SLC12A6: variants seen among roughly 807,000 people sequenced by gnomAD.
The protein encoded by SLC12A6 is solute carrier family 12 member 6.
In SLC12A6, 66 loss-of-function variants were observed where a neutral mutation model predicts 135.3. The observed-to-expected ratio is 0.49, with a 90% CI of 0.40 to 0.60. SLC12A6 has a LOEUF of 0.60. SLC12A6 is among the 20% of genes least tolerant of loss of function. The probability of loss-of-function intolerance (pLI) is 0.00; values close to 1 mark genes in which losing one functional copy is unlikely to be tolerated. For synonymous variants in SLC12A6, 513 were observed against 508.8 expected (o/e 1.01, Z -0.11); for missense variants, 1,058 against 1,452.3 (o/e 0.73, Z 4.41).
At chr15:34,295,175 A>G (rs1895800408) in intron 2 of SLC12A6, among the ~76,000 whole-genome samples, 1 of 152,186 alleles carries the variant, frequency 6.6e-6, no homozygotes, top group Non-Finnish European at 1.5e-5. Context: ...TTTTACAGGA[A>G]AGGCAAAGGG....
chr15:34,288,111 G>A (rs893033529), intron 2 of SLC12A6, among the ~76,000 whole-genome samples: 3 of 152,122 alleles, frequency 2.0e-5, no homozygotes, highest in Non-Finnish European at 4.4e-5. Context: ...ATGGTCCTAG[G>A]TCTTATGTTT....
chr15:34,254,307 C>G, intron 9 of SLC12A6, 41 bp downstream of exon 9: 1 of 1,580,740 alleles, frequency 6.3e-7, no homozygotes, highest in Non-Finnish European at 8.7e-7. Flanking sequence ...TTTTCAATTA[C>G]TACCCAATAA....
At chr15:34,254,242 A>G in intron 9 of SLC12A6, 106 bp downstream of exon 9, 1 of 1,212,650 alleles carries the variant, frequency 8.2e-7, no homozygotes, top group South Asian at 1.2e-5. Flanking sequence ...CTGAGAGGGA[A>G]AATCTCAGAG....
At chr15:34,252,142 A>C (rs747488421) in intron 10 of SLC12A6, 28 bp downstream of exon 10, 2 of 1,223,554 alleles carry the variant, frequency 1.6e-6, no homozygotes, top group Non-Finnish European at 2.4e-6. Flanking sequence ...AAATAGGAAA[A>C]AACTTGTCCA....
intron 2 of SLC12A6, among the ~76,000 whole-genome samples, chr15:34,280,138 C>A (rs1320920464): frequency 1.3e-5 from 2 of 152,152 alleles, no homozygotes; most frequent in Admixed American, 1.3e-4. Flanking sequence ...CTATTTTGAA[C>A]AAAATTTCCT....
chr15:34,308,944 G>C (rs1218073250), intron 2 of SLC12A6, among the ~76,000 whole-genome samples: 1 of 152,138 alleles, frequency 6.6e-6, no homozygotes, highest in African/African-American at 2.4e-5. Context: ...AATGGCTTTA[G>C]AGCTACACAG....
rs1894184680 is a variant in SLC12A6, at chr15:34,274,737, T to TG, written c.316+607dup. On this transcript the variant is annotated intron_variant, in intron 3 of 25. Transcript: ENST00000354181. ...CTGAGGCAGGAGAATGGCATGAACCTGGGAGGCGGAGCTTGCAGTGAGTGG... is the reference window on the plus strand; with the variant it reads ...CTGAGGCAGGAGAATGGCATGAACCTGGGGAGGCGGAGCTTGCAGTGAGTGG... Among the ~76,000 whole-genome samples the TG allele has an allele frequency of 7.2e-5, 11 of 151,822 alleles. No homozygotes were observed. In the South Asian group the frequency reaches 2.3e-3, roughly 32 times the overall value.
In SLC12A6 at chr15:34,264,219, C is replaced by T. The variant is rs1893345444; in HGVS notation, c.317-3199G>A. On this transcript the variant is annotated intron_variant, in intron 3 of 25. Coordinates refer to ENST00000354181, the MANE Select transcript of SLC12A6 (RefSeq NM_001365088.1). ...AAAACCATTAGGTGAAAGGCTGAGGCAAAACTTTACAATGGATGGATCAGG... is the reference window on the plus strand; with the variant it reads ...AAAACCATTAGGTGAAAGGCTGAGGTAAAACTTTACAATGGATGGATCAGG... Among the ~76,000 whole-genome samples, 5 of 152,230 alleles carry T rather than the reference C, an allele frequency of 3.3e-5. No individual in the cohort carries two copies. The South Asian group carries it at 1.0e-3, about 32-fold the overall frequency.
intron 6 of SLC12A6, among the ~76,000 whole-genome samples, chr15:34,257,413 A>C (rs904372709): frequency 1.7e-4 from 26 of 152,246 alleles, no homozygotes; most frequent in Admixed American, 1.6e-3. Flanking sequence ...TTTCAGTTGA[A>C]GTCTTGCTTT....
chr15:34,314,424 C>T (rs2141094136), intron 2 of SLC12A6, among the ~76,000 whole-genome samples: 2 of 152,310 alleles, frequency 1.3e-5, no homozygotes, highest in South Asian at 4.1e-4. Flanking sequence ...TATTACTGCT[C>T]TTCAACAATG....
intron 3 of SLC12A6, among the ~76,000 whole-genome samples, chr15:34,262,656 A>C (rs1033357639): frequency 3.9e-5 from 6 of 152,218 alleles, no homozygotes; most frequent in Non-Finnish European, 8.8e-5. Flanking sequence ...AAGAGCTATT[A>C]GCACACGGTA....
At chr15:34,273,405 C>T (rs1364603729) in intron 3 of SLC12A6, among the ~76,000 whole-genome samples, 2 of 152,130 alleles carry the variant, frequency 1.3e-5, no homozygotes, top group African/African-American at 4.8e-5. Flanking sequence ...CGGTCAGGAC[C>T]TTGGTGATCA....
rs2140645196 is a variant in SLC12A6, at chr15:34,237,482, C to T, written c.2871G>A (p.Lys957=). 3 of 1,612,994 alleles carry T rather than the reference C, an allele frequency of 1.9e-6. No homozygotes were observed. Among genetic ancestry groups the T allele is most frequent in the Middle Eastern group, 1.7e-4 (1 of 6,060 alleles). ...GATATAGGAAGGTGGCTAGGTCCTT[C>T]TTCATTTGGATACTGTTGTCTTCTA... ...AQLEDNSIQM[K]KDLATFLYHL... is the part of the protein sequence containing the mutation. Residue 957 remains lysine, a synonymous_variant, in exon 22 of 26, where the codon AAG becomes AAA. Coordinates refer to ENST00000354181, the MANE Select transcript of SLC12A6 (RefSeq NM_001365088.1).
chr15:34,277,734 A>G (rs375789740), intron 2 of SLC12A6, among the ~76,000 whole-genome samples: 3 of 152,286 alleles, frequency 2.0e-5, no homozygotes, highest in South Asian at 4.1e-4. Flanking sequence ...AATCATACCA[A>G]CACCTCTCCT....
intron 7 of SLC12A6, among the ~76,000 whole-genome samples, chr15:34,255,975 AT>A (rs576877438): frequency 1.9e-3 from 282 of 152,242 alleles, no homozygotes; most frequent in African/African-American, 6.5e-3. Context: ...CTATAAAAAA[AT>A]ATATATTCCA....
chr15:34,249,022 C>G (rs1255205709), intron 13 of SLC12A6, among the ~76,000 whole-genome samples: 2 of 152,086 alleles, frequency 1.3e-5, no homozygotes. Flanking sequence ...GTAGAGAGGG[C>G]CAGATTACAG....
At chr15:34,286,753 G>A (rs772574869) in intron 2 of SLC12A6, among the ~76,000 whole-genome samples, 145 of 152,140 alleles carry the variant, frequency 9.5e-4, no homozygotes, top group African/African-American at 3.2e-3. Context: ...CCAAGATTGC[G>A]CCACTGCATT....
intron 17 of SLC12A6, 139 bp downstream of exon 17, chr15:34,241,963 G>C (rs1031912977): frequency 1.4e-6 from 1 of 698,892 alleles, no homozygotes; most frequent in Non-Finnish European, 2.6e-6. Context: ...CATTAAGATG[G>C]TTAAAGAATT....
chr15:34,258,475 C>T (rs986463708), intron 5 of SLC12A6, among the ~76,000 whole-genome samples: 1 of 152,194 alleles, frequency 6.6e-6, no homozygotes, highest in Non-Finnish European at 1.5e-5. Flanking sequence ...GAAAGGCTTT[C>T]CCTGTCCAAC....
Sources: allele counts gnomAD v4.1 joint callset (sites outside exome capture counted in the v4.1 genomes callset), GRCh38; gene constraint gnomAD v4.1.1; transcripts MANE v1.5; gene names NCBI Gene and HGNC (gene_info 2026-07-23, HGNC 2026-07-21).